The following MTA3 variants were observed in gnomAD, a reference collection of about 807,000 sequenced individuals.
MTA3 encodes metastasis-associated protein MTA3.
Under a neutral mutation model 83.5 loss-of-function variants are expected in MTA3, and 34 were observed. The ratio of observed to expected loss-of-function variants is 0.41; its 90% confidence interval spans 0.31 to 0.54. The LOEUF is 0.54. MTA3 is among the 20% of genes least tolerant of loss of function. MTA3 has a pLI of 0.33. For missense variants in MTA3, 761 were observed against 726.4 expected (o/e 1.05, Z -0.55); for synonymous variants, 303 against 252.7 (o/e 1.20, Z -1.89).
rs1363202763 is a variant in MTA3 at position 42,709,843 on chromosome 2, C to CT, written c.1525+749dup. Among the ~76,000 whole-genome samples the CT allele has an allele frequency of 6.6e-5, 10 of 152,284 alleles. No individual in the cohort carries two copies. In the South Asian group the frequency reaches 1.7e-3, roughly 25 times the overall value. On this transcript the variant is annotated intron_variant, in intron 14 of 16. Coordinates refer to ENST00000405094, the MANE Select transcript of MTA3 (RefSeq NM_001330442.2). The stretch of plus-strand genomic sequence containing the variant: ...CATAACATTTACATGACTTACTACT[C>CT]TTATTTTCAACACATTTGGTCTTGC...
chr2:42,708,112 C>G (rs1199760720), intron 13 of MTA3, 58 bp downstream of exon 13: 1 of 1,525,732 alleles, frequency 6.6e-7, no homozygotes, highest in Admixed American at 2.2e-5. Context: ...TTGATTATTC[C>G]TTGGAAACAG....
chr2:42,594,846 C>T (rs1440384392), intron 3 of MTA3, among the ~76,000 whole-genome samples: 1 of 144,888 alleles, frequency 6.9e-6, no homozygotes, highest in Non-Finnish European at 1.5e-5. Flanking sequence ...CCCGCCTCAG[C>T]CTCCCAAGTA....
At chr2:42,743,791 T>G (rs1041477411) in intron 16 of MTA3, among the ~76,000 whole-genome samples, 1 of 152,124 alleles carries the variant, frequency 6.6e-6, no homozygotes, top group African/African-American at 2.4e-5. Context: ...GTGAAAGCCA[T>G]TGTACCAGTG....
At chr2:42,496,608 GAAAA>G (rs35316146) in intron 2 of MTA3, among the ~76,000 whole-genome samples, 9 of 122,042 alleles carry the variant, frequency 7.4e-5, no homozygotes, top group Admixed American at 3.4e-4. Flanking sequence ...CAGAACCTAG[GAAAA>G]AAAAAAAAAA....
At chr2:42,548,835 T>TTATATATATATAATATATATATATATATA (rs1676900062) in intron 2 of MTA3, among the ~76,000 whole-genome samples, 1 of 14,620 alleles carries the variant, frequency 6.8e-5, no homozygotes, top group Non-Finnish European at 1.4e-4. Flanking sequence ...ATATAATATA[T>TTATATATATATAATATATATATATATATA]ATATATATAT....
chr2:42,715,665 T>G (rs1666977816), intron 14 of MTA3, among the ~76,000 whole-genome samples: 1 of 152,176 alleles, frequency 6.6e-6, no homozygotes, highest in Non-Finnish European at 1.5e-5. Context: ...AATCCTCCTA[T>G]TTTTAATGAG....
At chr2:42,656,848 C>G (rs1358393659) in intron 7 of MTA3, among the ~76,000 whole-genome samples, 1 of 152,062 alleles carries the variant, frequency 6.6e-6, no homozygotes, top group South Asian at 2.1e-4. Flanking sequence ...CATCAGCAAG[C>G]AATTGATGAA....
chr2:42,724,358 TG>T (rs1667663879), intron 16 of MTA3, among the ~76,000 whole-genome samples: 1 of 140,444 alleles, frequency 7.1e-6, no homozygotes, highest in African/African-American at 2.6e-5. Flanking sequence ...GTAAAAAGAC[TG>T]TCGTTGTGGG....
chr2:42,496,212 C>T (rs768596916), intron 2 of MTA3, among the ~76,000 whole-genome samples: 1 of 152,160 alleles, frequency 6.6e-6, no homozygotes, highest in Non-Finnish European at 1.5e-5. Context: ...GATGACAATA[C>T]AATGTGTGCC....
chr2:42,523,054 C>T (rs921245240), intron 2 of MTA3, among the ~76,000 whole-genome samples: 1 of 152,044 alleles, frequency 6.6e-6, no homozygotes, highest in Non-Finnish European at 1.5e-5. Context: ...AAGAGATCCT[C>T]CCATCTCAGG....
rs1291282976 is a variant in MTA3, at chr2:42,722,881, C to T, written c.1613-8C>T. 2.6e-6 allele frequency: 4 copies of T among 1,549,776 alleles called. No homozygotes were observed. Among genetic ancestry groups the T allele is most frequent in the Non-Finnish European group, 3.5e-6 (4 of 1,146,700 alleles). ...TTCTGAATTGAGAAACCTTTTTTCC[C>T]CCATCAGAGATCCATCCTGCAAAGA... On this transcript the variant is annotated splice_region_variant and splice_polypyrimidine_tract_variant and intron_variant, in intron 15 of 16. Coordinates refer to ENST00000405094, the MANE Select transcript of MTA3 (RefSeq NM_001330442.2).
At chr2:42,661,131 C>T (rs991259804) in intron 8 of MTA3, among the ~76,000 whole-genome samples, 1 of 152,124 alleles carries the variant, frequency 6.6e-6, no homozygotes, top group Non-Finnish European at 1.5e-5. Flanking sequence ...TATTTTACCC[C>T]AAATTTTAGG....
intron 2 of MTA3, among the ~76,000 whole-genome samples, chr2:42,512,654 T>C (rs1363397282): frequency 6.6e-6 from 1 of 152,110 alleles, no homozygotes; most frequent in Non-Finnish European, 1.5e-5. Flanking sequence ...GCTTACCAAG[T>C]TTCCTTTGAT....
chr2:42,567,166 T>A (rs1041253561), upstream of MTA3, among the ~76,000 whole-genome samples: 1 of 152,208 alleles, frequency 6.6e-6, no homozygotes, highest in Non-Finnish European at 1.5e-5. Context: ...GAGACACCTG[T>A]TATTTGCATG....
intron 2 of MTA3, among the ~76,000 whole-genome samples, chr2:42,576,537 G>A (rs766279582): frequency 6.6e-6 from 1 of 152,186 alleles, no homozygotes; most frequent in Admixed American, 6.6e-5. Context: ...GGCTGAGGCA[G>A]GAGGATTGCT....
chr2:42,504,705 C>T lies in MTA3; in HGVS notation c.-141+9451C>T, dbSNP rs920685123. Reference sequence around the variant, plus strand: ...AGAGATGTGGTCTCCCTGTGTTGCCCAGGCTGGTCTTGAACTCCCGGGTTC... The same window carrying T: ...AGAGATGTGGTCTCCCTGTGTTGCCTAGGCTGGTCTTGAACTCCCGGGTTC... On this transcript the variant is annotated intron_variant, in intron 2 of 17. Transcript: ENST00000405592. Among the ~76,000 whole-genome samples the T allele has an allele frequency of 4.0e-5, 6 of 151,758 alleles. No homozygotes were observed. The East Asian group carries it at 9.7e-4, about 24-fold the overall frequency.
chr2:42,690,856 TTTTATTTATTTA>T (rs35037034), intron 9 of MTA3, among the ~76,000 whole-genome samples: 127 of 136,160 alleles, frequency 9.3e-4, no homozygotes, highest in South Asian at 2.9e-3. Flanking sequence ...TGTATTTTTA[TTTTATTTATTTA>T]TTTATTTATT....
chr2:42,615,752 G>T (rs181409995), intron 4 of MTA3, among the ~76,000 whole-genome samples: 1 of 109,514 alleles, frequency 9.1e-6, no homozygotes, highest in Non-Finnish European at 1.7e-5. Flanking sequence ...ACGGAGTCTC[G>T]CTCTGTCGCC....
In MTA3 at chr2:42,754,888, G is replaced by A. The variant is rs182871319; in HGVS notation, c.*1489G>A. The stretch of plus-strand genomic sequence containing the variant: ...GAGCGTGCTGTGTGAGGTGGAGGGC[G>A]GTTTTGCAGACATCTCAGCTTCTTT... On this transcript the variant is annotated 3_prime_UTR_variant, in exon 17 of 17. Coordinates refer to ENST00000405094, the MANE Select transcript of MTA3 (RefSeq NM_001330442.2). 7.1e-6 allele frequency: 7 copies of A among 985,554 alleles called. No individual in the cohort carries two copies. Among genetic ancestry groups the A allele is most frequent in the African/African-American group, 1.7e-5 (1 of 57,330 alleles). The allele number at this position is 985,554 out of a possible 1,614,324, so 61.1% of individuals were successfully genotyped here. A position where few individuals can be genotyped will look rare whatever the true frequency, so the allele number is the denominator to read the frequency against.
Sources: gnomAD v4.1 joint callset for allele counts (sites outside exome capture counted in the v4.1 genomes callset) on GRCh38, gnomAD v4.1.1 for gene constraint, MANE v1.5 for transcripts, NCBI Gene and HGNC (gene_info 2026-07-23, HGNC 2026-07-21) for gene names.